SESN1: variants seen among roughly 807,000 people sequenced by gnomAD.
The protein encoded by SESN1 is sestrin-1.
SESN1 carries 30 observed loss-of-function variants against 59.3 expected under a neutral mutation model. The ratio of observed to expected loss-of-function variants is 0.51; its 90% CI spans 0.38 to 0.69. The LOEUF (loss-of-function observed/expected upper bound fraction) is 0.69. SESN1 is among the 30% of genes least tolerant of loss of function. The pLI is 0.00. For missense variants in SESN1, 566 were observed against 673.0 expected (o/e 0.84, Z 1.76); for synonymous variants, 197 against 219.9 (o/e 0.90, Z 0.92).
At chr6:109,075,952 C>T (rs1173627279) in intron 1 of SESN1, among the ~76,000 whole-genome samples, 2 of 152,240 alleles carry the variant, frequency 1.3e-5, no homozygotes, top group Non-Finnish European at 2.9e-5. Context: ...GACCCTGCTC[C>T]TCCCTTTGGC....
At chr6:109,000,294 G>A (rs77002235) in intron 4 of SESN1, 197 bp downstream of exon 4, 43,393 of 423,500 alleles carry the variant, frequency 0.1, 2,679 homozygotes, top group Middle Eastern at 0.18. Flanking sequence ...GTGAACTATA[G>A]AGTTACTAGT....
At chr6:109,021,325 T>C (rs1304267489) in intron 1 of SESN1, among the ~76,000 whole-genome samples, 1 of 152,190 alleles carries the variant, frequency 6.6e-6, no homozygotes, top group Non-Finnish European at 1.5e-5. Flanking sequence ...AATAACATTG[T>C]AGGATGCTGT....
At chr6:109,034,001 C>T (rs1337976848) in intron 1 of SESN1, among the ~76,000 whole-genome samples, 2 of 152,092 alleles carry the variant, frequency 1.3e-5, no homozygotes, top group Non-Finnish European at 2.9e-5. Context: ...ATGTCCTCAC[C>T]CACACAATGG....
intron 1 of SESN1, among the ~76,000 whole-genome samples, chr6:109,004,453 TG>T: frequency 2.0e-5 from 3 of 151,652 alleles, no homozygotes; most frequent in East Asian, 1.9e-4. Context: ...TTTTTTTTTT[TG>T]GAGACAGAGT....
chr6:109,071,278 C>T (rs1780929524), intron 1 of SESN1, among the ~76,000 whole-genome samples: 1 of 150,984 alleles, frequency 6.6e-6, no homozygotes, highest in Non-Finnish European at 1.5e-5. Context: ...AAAAATAAAT[C>T]AAGATAAGGA....
Position 108,987,550 on chromosome 6 carries a change from C to A in SESN1, c.1650G>T (p.Met550Ile), listed in dbSNP as rs868221814. The change falls in exon 10 of 10, where the codon ATG becomes ATT. Residue 550 changes from methionine (M) to isoleucine (I), a missense_variant. Physicochemically the swap from Met to Ile is conservative, Grantham distance 10. Coordinates refer to ENST00000436639, the MANE Select transcript of SESN1 (RefSeq NM_014454.3). Reference sequence around the variant, plus strand: ...CTTTAATGAAGGAAAGGCATCAGGTCATATAGCGGGTAATGGCTCTCAGAG... The same window carrying A: ...CTTTAATGAAGGAAAGGCATCAGGTAATATAGCGGGTAATGGCTCTCAGAG... ...LYALRAITRY[M>I]T is the part of the protein sequence containing the mutation. 1 of 1,574,690 alleles carries A rather than the reference C, an allele frequency of 6.4e-7. No homozygotes were observed.
intron 1 of SESN1, among the ~76,000 whole-genome samples, chr6:109,016,461 G>T (rs1583273597): frequency 6.6e-6 from 1 of 152,072 alleles, no homozygotes; most frequent in Non-Finnish European, 1.5e-5. Context: ...TTCTTCAGAG[G>T]TCTCTTGCTT....
chr6:109,002,405 A>C (rs1281634968), intron 1 of SESN1, 62 bp from the exon 2 acceptor site: 1 of 1,336,092 alleles, frequency 7.5e-7, no homozygotes, highest in Non-Finnish European at 1.1e-6. Context: ...CTGAGGCTAA[A>C]GGAATGGGAG....
Position 109,036,302 on chromosome 6 carries a change from C to G in SESN1, c.280-33959G>C, listed in dbSNP as rs1330942000. ...GTTAAAATCAGCTTTTGTGGGTTGG[C>G]TTTACGATTTGTCTGAGTGAAAAAG... On this transcript the variant is annotated intron_variant, in intron 1 of 9. Coordinates refer to ENST00000436639, the MANE Select transcript of SESN1 (RefSeq NM_014454.3). Among the ~76,000 whole-genome samples the G allele has an allele frequency of 2.0e-5, 3 of 152,298 alleles. No homozygotes were observed. In the East Asian group the frequency reaches 5.8e-4, roughly 29 times the overall value.
At chr6:109,014,278 A>G (rs149429352) in intron 1 of SESN1, among the ~76,000 whole-genome samples, 81 of 152,330 alleles carry the variant, frequency 5.3e-4, no homozygotes, top group Non-Finnish European at 9.3e-4. Flanking sequence ...CTAGGCTGAT[A>G]ATAATAAGAC....
At chr6:109,068,737 T>TTTTTTTG (rs1780877319) in intron 1 of SESN1, among the ~76,000 whole-genome samples, 1 of 151,286 alleles carries the variant, frequency 6.6e-6, no homozygotes, top group African/African-American at 2.4e-5. Flanking sequence ...TTTTTTTTTT[T>TTTTTTTG]GAGGCAGAGC....
intron 4 of SESN1, chr6:108,999,148 C>G (rs777864619): frequency 5.0e-4 from 78 of 157,366 alleles, no homozygotes; most frequent in Non-Finnish European, 8.5e-4. Flanking sequence ...AACGCCTGTG[C>G]TTTGTTTATT....
intron 1 of SESN1, among the ~76,000 whole-genome samples, chr6:109,037,908 C>G (rs1031638215): frequency 2.0e-5 from 3 of 149,810 alleles, no homozygotes; most frequent in Admixed American, 6.6e-5. Flanking sequence ...GCCTATAATT[C>G]TATAAGCTGA....
At chr6:109,019,780 A>C (rs1779981012) in intron 1 of SESN1, among the ~76,000 whole-genome samples, 1 of 152,248 alleles carries the variant, frequency 6.6e-6, no homozygotes, top group South Asian at 2.1e-4. Flanking sequence ...CAGGTTTTAA[A>C]ATAATGCATT....
At chr6:109,085,883 C>T (rs1319230190) in intron 1 of SESN1, among the ~76,000 whole-genome samples, 5 of 152,148 alleles carry the variant, frequency 3.3e-5, no homozygotes, top group Non-Finnish European at 7.3e-5. Context: ...CGCTGCCCTC[C>T]CTGACCAGCA....
At chr6:109,033,604 A>C (rs1436604750) in intron 1 of SESN1, among the ~76,000 whole-genome samples, 1 of 152,192 alleles carries the variant, frequency 6.6e-6, no homozygotes, top group Non-Finnish European at 1.5e-5. Flanking sequence ...AATGAGATCT[A>C]GATTGCAACC....
At chr6:109,018,743 G>C (rs1779964559) in intron 1 of SESN1, among the ~76,000 whole-genome samples, 1 of 152,088 alleles carries the variant, frequency 6.6e-6, no homozygotes, top group African/African-American at 2.4e-5. Context: ...AGCGTATCTT[G>C]AGAATGCAAG....
At chr6:109,007,354 G>A (rs1779753598) in intron 1 of SESN1, among the ~76,000 whole-genome samples, 1 of 152,138 alleles carries the variant, frequency 6.6e-6, no homozygotes, top group South Asian at 2.1e-4. Context: ...AATAATGAAT[G>A]AATGACAAGT....
intron 1 of SESN1, among the ~76,000 whole-genome samples, chr6:109,030,743 G>T (rs1780170479): frequency 2.0e-5 from 3 of 152,138 alleles, no homozygotes; most frequent in South Asian, 2.1e-4. Flanking sequence ...ATGTATATAG[G>T]ATTTTATGGT....
Sources: gnomAD v4.1 joint callset for allele counts (sites outside exome capture counted in the v4.1 genomes callset) on GRCh38, gnomAD v4.1.1 for gene constraint, MANE v1.5 for transcripts, NCBI Gene and HGNC (gene_info 2026-07-23, HGNC 2026-07-21) for gene names.